Variants in ZNF536 observed in about 807,000 individuals in gnomAD.
ZNF536 encodes zinc finger protein 536.
Under a neutral mutation model 84.5 loss-of-function variants are expected in ZNF536, and 13 were observed. The ratio of observed to expected loss-of-function variants is 0.15; its 90% CI spans 0.10 to 0.24. The LOEUF (loss-of-function observed/expected upper bound fraction) is 0.24. ZNF536 is among the 10% of genes least tolerant of loss of function. ZNF536 has a pLI of 1.00. For synonymous variants in ZNF536, 811 were observed against 742.5 expected, an observed-to-expected ratio of 1.09 and a Z score of -1.50; for missense variants, 1,536 against 1,747.5, an observed-to-expected ratio of 0.88 and a Z score of 2.16.
intron 2 of ZNF536, among the ~76,000 whole-genome samples, chr19:30,497,597 A>G (rs1247029279): frequency 5.9e-5 from 9 of 152,228 alleles, no homozygotes; most frequent in Admixed American, 2.6e-4. Context: ...CCACACATGT[A>G]TGGAACTAAA....
At chr19:30,673,214 T>C (rs1196351790) in intron 1 of ZNF536, among the ~76,000 whole-genome samples, 1 of 152,208 alleles carries the variant, frequency 6.6e-6, no homozygotes, top group African/African-American at 2.4e-5. Flanking sequence ...ATGATCTGTG[T>C]GACCTATGAG....
rs1244898575 is a variant in ZNF536, at chr19:30,383,715, CTT to C, written c.-3+11161_-3+11162del. Among the ~76,000 whole-genome samples the C allele has an allele frequency of 2.4e-3, 98 of 40,338 alleles. 2 individuals carry two copies. The highest frequency in any genetic ancestry group is 8.5e-3 in the East Asian group (23 of 2,694). The allele number at this position is 40,338 out of a possible 152,430, so 26.5% of individuals were successfully genotyped here. ...TTCTTTTCTTTCTCTTTCTTTCTTT[CTT>C]TCTTTCTTTCTTTCTTTCTTTCTTT... On this transcript the variant is annotated intron_variant, in intron 1 of 4. Transcript: ENST00000355537.
intron 1 of ZNF536, among the ~76,000 whole-genome samples, chr19:30,694,675 A>AT (rs79667523): frequency 0.28 from 42,839 of 151,816 alleles, 6,649 homozygotes; most frequent in East Asian, 0.44. Flanking sequence ...AATGAATTAC[A>AT]TTTTTTTTTA....
At chr19:30,251,135 C>G (rs1300498271) in intron 1 of ZNF536, among the ~76,000 whole-genome samples, 1 of 152,088 alleles carries the variant, frequency 6.6e-6, no homozygotes, top group Non-Finnish European at 1.5e-5. Context: ...AATAAGCCAC[C>G]AGGCCACCTG....
chr19:30,236,166 C>T (rs771608233), intron 1 of ZNF536, among the ~76,000 whole-genome samples: 19 of 152,256 alleles, frequency 1.2e-4, no homozygotes, highest in Non-Finnish European at 2.2e-4. Context: ...CAGCCGAAAC[C>T]TCCTCTGATA....
chr19:30,422,033 A>G (rs1266472651), intron 1 of ZNF536, among the ~76,000 whole-genome samples: 2 of 152,246 alleles, frequency 1.3e-5, no homozygotes, highest in Non-Finnish European at 2.9e-5. Context: ...GCAGGGGTAC[A>G]AAAACATGGG....
At chr19:30,605,768 T>G (rs1029947594) in intron 1 of ZNF536, among the ~76,000 whole-genome samples, 1 of 152,178 alleles carries the variant, frequency 6.6e-6, no homozygotes, top group Non-Finnish European at 1.5e-5. Context: ...TGCAGGATGT[T>G]TTTTGACATC....
chr19:30,697,718 C>T (rs995674409), intron 1 of ZNF536, among the ~76,000 whole-genome samples: 3 of 152,154 alleles, frequency 2.0e-5, no homozygotes, highest in African/African-American at 7.2e-5. Context: ...ATGAAAAATG[C>T]TGCATGCTAG....
At chr19:30,310,740 G>A (rs996770714) in intron 2 of ZNF536, among the ~76,000 whole-genome samples, 1 of 152,132 alleles carries the variant, frequency 6.6e-6, no homozygotes, top group Non-Finnish European at 1.5e-5. Context: ...GGCTGTCAGC[G>A]GCTAACCAGC....
At chr19:30,594,005 T>C (rs1049196618) in intron 1 of ZNF536, among the ~76,000 whole-genome samples, 1 of 152,232 alleles carries the variant, frequency 6.6e-6, no homozygotes, top group African/African-American at 2.4e-5. Context: ...TGTCCCCTTT[T>C]CTTAGTCTCA....
At chr19:30,265,771 C>T (rs59844376) in intron 1 of ZNF536, among the ~76,000 whole-genome samples, 60 of 152,156 alleles carry the variant, frequency 3.9e-4, no homozygotes, top group African/African-American at 1.4e-3. Context: ...CTTAGGGACA[C>T]GGGTCTGCCC....
chr19:30,434,947 T>G (rs1289611768), intron 1 of ZNF536, among the ~76,000 whole-genome samples: 7 of 151,634 alleles, frequency 4.6e-5, no homozygotes, highest in African/African-American at 1.7e-4. Context: ...ATGATGGTGA[T>G]AATGATGATG....
chr19:30,318,670 T>A (rs893462093), intron 2 of ZNF536, among the ~76,000 whole-genome samples: 2 of 152,240 alleles, frequency 1.3e-5, no homozygotes, highest in African/African-American at 4.8e-5. Flanking sequence ...TGCATACACG[T>A]GTGTTTGCAT....
chr19:30,329,174 G>A (rs760144004), intron 2 of ZNF536, among the ~76,000 whole-genome samples: 1 of 152,180 alleles, frequency 6.6e-6, no homozygotes, highest in Non-Finnish European at 1.5e-5. Flanking sequence ...AGCCACCTCT[G>A]AGAACATGGG....
chr19:30,246,385 G>A (rs373928084), intron 1 of ZNF536, among the ~76,000 whole-genome samples: 6 of 152,290 alleles, frequency 3.9e-5, no homozygotes, highest in African/African-American at 1.4e-4. Context: ...ATTTTCTCCC[G>A]TCTGTCTCAT....
chr19:30,671,834 C>CATTG, intron 1 of ZNF536, among the ~76,000 whole-genome samples: 2 of 152,226 alleles, frequency 1.3e-5, no homozygotes, highest in Non-Finnish European at 2.9e-5. Context: ...CTGCCAAGAT[C>CATTG]CTTGCTTGGC....
chr19:30,535,330 G>A (rs2045024976), intron 3 of ZNF536, among the ~76,000 whole-genome samples: 1 of 152,158 alleles, frequency 6.6e-6, no homozygotes, highest in Admixed American at 6.5e-5. Flanking sequence ...CCAGGCGCCT[G>A]TATGAACCAG....
At chr19:30,486,067 A>G (rs1322659731) in intron 2 of ZNF536, among the ~76,000 whole-genome samples, 1 of 152,018 alleles carries the variant, frequency 6.6e-6, no homozygotes, top group Non-Finnish European at 1.5e-5. Context: ...CCAGTGACAC[A>G]TGTATTTTCT....
chr19:30,499,384 T>A (rs2054858168), intron 2 of ZNF536, among the ~76,000 whole-genome samples: 1 of 152,142 alleles, frequency 6.6e-6, no homozygotes, highest in African/African-American at 2.4e-5. Flanking sequence ...TATGTATATG[T>A]CTATGTATGT....
Sources: gnomAD v4.1 joint callset for allele counts (sites outside exome capture counted in the v4.1 genomes callset) on GRCh38, gnomAD v4.1.1 for gene constraint, MANE v1.5 for transcripts, NCBI Gene and HGNC (gene_info 2026-07-23, HGNC 2026-07-21) for gene names.